The following TULP3 variants were observed in gnomAD, a reference collection of about 807,000 sequenced individuals.
TULP3 encodes tubby-related protein 3.
A neutral mutation model predicts 50.7 loss-of-function variants in TULP3; 38 were observed. That is an observed-to-expected ratio of 0.75 (90% CI 0.58 to 0.98). The LOEUF is 0.98. Among genes scored for constraint, TULP3 ranks in the 50% least tolerant of loss-of-function variants. TULP3 has a pLI of 0.00. For synonymous variants in TULP3, 183 were observed against 196.6 expected (o/e 0.93, Z 0.58); for missense variants, 550 against 568.0 (o/e 0.97, Z 0.32).
rs1238925644 is a variant in TULP3 at position 2,937,619 on chromosome 12, C to T, written c.925-12C>T. On this transcript the variant is annotated splice_polypyrimidine_tract_variant and intron_variant, in intron 8 of 10. Coordinates refer to ENST00000448120, the MANE Select transcript of TULP3 (RefSeq NM_003324.5). ...CTGTTTCCAAGTTCTGCTTTGTTTTCCTATCTTCCAGGAAACAAACGTACT... is the reference window on the plus strand; with the variant it reads ...CTGTTTCCAAGTTCTGCTTTGTTTTTCTATCTTCCAGGAAACAAACGTACT... 6.3e-7 allele frequency: 1 copy of T among 1,595,736 alleles called. No homozygotes were observed. The highest frequency in any genetic ancestry group is 8.6e-7 in the Non-Finnish European group (1 of 1,166,844).
At chr12:2,912,098 C>T (rs981767430) in intron 2 of TULP3, among the ~76,000 whole-genome samples, 2 of 152,064 alleles carry the variant, frequency 1.3e-5, no homozygotes, top group Non-Finnish European at 2.9e-5. Flanking sequence ...TGTATAACAG[C>T]AACAAAGGCA....
At chr12:2,899,907 C>CAA (rs796115246) in intron 1 of TULP3, among the ~76,000 whole-genome samples, 3 of 37,234 alleles carry the variant, frequency 8.1e-5, no homozygotes, top group Non-Finnish European at 9.5e-5. Context: ...AAAAAACAAA[C>CAA]AAAAAAAAAA....
At chr12:2,931,914 G>C (rs1475899246) in intron 6 of TULP3, among the ~76,000 whole-genome samples, 2 of 152,058 alleles carry the variant, frequency 1.3e-5, no homozygotes, top group African/African-American at 4.8e-5. Flanking sequence ...TCTTACCTCT[G>C]CTTTAAAGAT....
chr12:2,936,145 C>T (rs1189675255), intron 8 of TULP3, among the ~76,000 whole-genome samples: 1 of 152,070 alleles, frequency 6.6e-6, no homozygotes, highest in African/African-American at 2.4e-5. Flanking sequence ...TGGCAGGCAC[C>T]TGTAATCCCA....
intron 1 of TULP3, among the ~76,000 whole-genome samples, chr12:2,908,939 CTTCAGGAA>C (rs1198868585): frequency 5.9e-5 from 9 of 152,260 alleles, no homozygotes; most frequent in Admixed American, 5.9e-4. Flanking sequence ...ATGCCCAGAT[CTTCAGGAA>C]TTCAGTAGGC....
intron 1 of TULP3, among the ~76,000 whole-genome samples, chr12:2,909,274 A>G (rs1227725861): frequency 6.6e-6 from 1 of 152,170 alleles, no homozygotes; most frequent in African/African-American, 2.4e-5. Context: ...AAATCCCTGC[A>G]TGCGTGGGGT....
chr12:2,909,751 T>C (rs1397366439), intron 2 of TULP3, among the ~76,000 whole-genome samples, 171 bp downstream of exon 2: 2 of 152,108 alleles, frequency 1.3e-5, no homozygotes, highest in African/African-American at 4.8e-5. Flanking sequence ...GAACCAAGGC[T>C]CTGGCTATGG....
intron 3 of TULP3, 102 bp downstream of exon 3, chr12:2,921,024 C>A: frequency 7.5e-7 from 1 of 1,336,706 alleles, no homozygotes; most frequent in Non-Finnish European, 1.0e-6. Context: ...ATTATTAGCA[C>A]CATTACTAGG....
intron 4 of TULP3, among the ~76,000 whole-genome samples, chr12:2,926,394 A>G (rs1478689847): frequency 1.3e-5 from 2 of 152,158 alleles, no homozygotes; most frequent in African/African-American, 4.8e-5. Context: ...AGGTGGGAGG[A>G]TCACTTGAGC....
chr12:2,933,362 G>A, intron 6 of TULP3, 56 bp from the exon 7 acceptor site: 1 of 1,062,934 alleles, frequency 9.4e-7, no homozygotes, highest in Non-Finnish European at 1.5e-6. Context: ...ACCATGACCA[G>A]AGGTGGGGCA....
rs141095225 is a variant in TULP3 at position 2,940,631 on chromosome 12, G to T, written c.*1187G>T. ...CAGAACTGTTTGCCAGCGTTGGGTG[G>T]GACACCCGTGGCGGCTGCTCCCTCA... On this transcript the variant is annotated 3_prime_UTR_variant, in exon 11 of 11. Transcript: ENST00000448120. 3,485 of 1,551,648 alleles carry T rather than the reference G, an allele frequency of 2.2e-3. 63 individuals are homozygous for T. The African/African-American group carries it at 0.041, about 18-fold the overall frequency.
chr12:2,899,183 T>A (rs1195063231), intron 1 of TULP3, among the ~76,000 whole-genome samples: 9 of 151,560 alleles, frequency 5.9e-5, no homozygotes, highest in Non-Finnish European at 1.3e-4. Flanking sequence ...ATGTATCTAC[T>A]AAAAATACAA....
At chr12:2,921,361 C>T (rs889961270) in intron 3 of TULP3, among the ~76,000 whole-genome samples, 30 of 151,976 alleles carry the variant, frequency 2.0e-4, no homozygotes, top group South Asian at 6.2e-4. Flanking sequence ...AGGCTTGTCT[C>T]GAACTCCTGA....
At chr12:2,898,062 G>C in intron 1 of TULP3, among the ~76,000 whole-genome samples, 1 of 137,556 alleles carries the variant, frequency 7.3e-6, no homozygotes, top group Non-Finnish European at 1.5e-5. Context: ...TGGGCAACAA[G>C]AGCGGAAACT....
At chr12:2,933,616 T>C (rs929988975) in intron 7 of TULP3, 86 bp downstream of exon 7, 5 of 729,558 alleles carry the variant, frequency 6.9e-6, no homozygotes, top group Non-Finnish European at 1.1e-5. Flanking sequence ...TGGTTACAAC[T>C]AGCATGTATT....
chr12:2,910,279 G>GA (rs59797009), intron 2 of TULP3, among the ~76,000 whole-genome samples: 9 of 149,592 alleles, frequency 6.0e-5, no homozygotes, highest in Admixed American at 2.0e-4. Context: ...CCGTCTCAAA[G>GA]AAAAAAAAAA....
chr12:2,911,664 CTTTTTTTTTTTTTT>C (rs56027951), intron 2 of TULP3, among the ~76,000 whole-genome samples: 12 of 38,166 alleles, frequency 3.1e-4, no homozygotes, highest in South Asian at 1.2e-3. Flanking sequence ...TGCGCCCAGC[CTTTTTTTTTTTTTT>C]TTTTTTTTTT....
intron 1 of TULP3, among the ~76,000 whole-genome samples, chr12:2,899,202 G>A (rs185571331): frequency 0.012 from 1,796 of 151,924 alleles, 36 homozygotes; most frequent in African/African-American, 0.041. Context: ...AAAATTAGCC[G>A]GGCATGGTGG....
At chr12:2,904,934 G>A (rs935546490) in intron 1 of TULP3, among the ~76,000 whole-genome samples, 3 of 151,694 alleles carry the variant, frequency 2.0e-5, no homozygotes, top group African/African-American at 2.4e-5. Flanking sequence ...GCGAAACCCC[G>A]TCTCCACTAA....
Sources: allele counts gnomAD v4.1 joint callset (sites outside exome capture counted in the v4.1 genomes callset), GRCh38; gene constraint gnomAD v4.1.1; transcripts MANE v1.5; gene names NCBI Gene and HGNC (gene_info 2026-07-23, HGNC 2026-07-21).